Variants in TRMO observed in about 807,000 individuals in gnomAD.
TRMO encodes tRNA (adenine(37)-N6)-methyltransferase.
In TRMO, 30 loss-of-function variants were observed where a neutral mutation model predicts 37.2. The ratio of observed to expected loss-of-function variants is 0.81; its 90% CI spans 0.60 to 1.09. The LOEUF (loss-of-function observed/expected upper bound fraction) is 1.09. Ranked by LOEUF, TRMO falls within the 50% of genes least tolerant of loss-of-function variation. The pLI, the probability that TRMO is intolerant of heterozygous loss-of-function variation, is 0.00. For missense variants in TRMO, 552 were observed against 549.5 expected (o/e 1.00, Z -0.05); for synonymous variants, 239 against 199.4 (o/e 1.20, Z -1.67).
At chr9:97,915,827 A>G (rs1229781040) in intron 2 of TRMO, 6 of 181,722 alleles carry the variant, frequency 3.3e-5, no homozygotes, top group Non-Finnish European at 5.7e-5. Context: ...AGCCATGCAA[A>G]AGATGAGAGT....
At chr9:97,909,802 T>A (rs1288327150) in intron 4 of TRMO, among the ~76,000 whole-genome samples, 158 bp downstream of exon 4, 1 of 152,186 alleles carries the variant, frequency 6.6e-6, no homozygotes, top group South Asian at 2.1e-4. Flanking sequence ...ACAAAAGTCA[T>A]CACATGATGG....
At position 97,910,035 on chromosome 9, in the gene TRMO, C is replaced by T; in HGVS notation, c.991G>A (p.Glu331Lys). The change falls in exon 4 of 5, where the codon GAG becomes AAG. Residue 331 changes from glutamate (E) to lysine (K), a missense_variant. Coordinates refer to ENST00000375119, the MANE Select transcript of TRMO (RefSeq NM_016481.5). The part of the protein sequence containing the change: ...PRSVVPAWVT[E>K]APVATLEVRF... ...ACTTCTAAAGTGGCCACAGGAGCCT[C>T]TGTCACCCAGGCAGGAACCACGCTG... 1 of 1,609,092 alleles carries T rather than the reference C, an allele frequency of 6.2e-7. No individual in the cohort carries two copies. The highest frequency in any genetic ancestry group is 8.5e-7 in the Non-Finnish European group (1 of 1,176,724).
chr9:97,904,615 A>G lies in TRMO; in HGVS notation c.*118T>C. On this transcript the variant is annotated 3_prime_UTR_variant, in exon 5 of 5. Coordinates refer to ENST00000375119, the MANE Select transcript of TRMO (RefSeq NM_016481.5). ...ATAAACATTTTGAACAGCCCAAATC[A>G]ATCAAAGCCATGAGATCACAAAGTG... is the stretch of plus-strand genomic sequence containing the variant. 1 of 1,523,054 alleles carries G rather than the reference A, an allele frequency of 6.6e-7. No homozygotes were observed. The highest frequency in any genetic ancestry group is 8.8e-7 in the Non-Finnish European group (1 of 1,140,648). The allele number at this position is 1,523,054 out of a possible 1,614,324, so 94.3% of individuals were successfully genotyped here.
chr9:97,910,059 T>C lies in TRMO; in HGVS notation c.967A>G (p.Ser323Gly). The change falls in exon 4 of 5, where the codon AGC becomes GGC. Residue 323 changes from serine (S) to glycine (G), a missense_variant. Coordinates refer to ENST00000375119, the MANE Select transcript of TRMO (RefSeq NM_016481.5). Reference sequence around the variant, plus strand: ...TCTGTCACCCAGGCAGGAACCACGCTGCGGGGAGCTCCATCAGCCCTTCCA... The same window carrying C: ...TCTGTCACCCAGGCAGGAACCACGCCGCGGGGAGCTCCATCAGCCCTTCCA... ...PAGRADGAPR[S>G]VVPAWVTEAP... 4 of 1,613,292 alleles carry C rather than the reference T, an allele frequency of 2.5e-6. No homozygotes were observed. Among genetic ancestry groups the C allele is most frequent in the Non-Finnish European group, 3.4e-6 (4 of 1,179,286 alleles).
chr9:97,910,751 C>A, intron 3 of TRMO, 135 bp from the exon 4 acceptor site: 1 of 963,962 alleles, frequency 1.0e-6, no homozygotes, highest in Non-Finnish European at 1.5e-6. Context: ...GACCTAGTAC[C>A]AACACACACC....
At chr9:97,904,338 T>C (rs1173647274), downstream of TRMO, among the ~76,000 whole-genome samples, 2 of 152,188 alleles carry the variant, frequency 1.3e-5, no homozygotes, top group African/African-American at 2.4e-5. Context: ...TGGAATCAAA[T>C]AGAAAGGTCA....
chr9:97,921,704 A>G (rs1826644603), intron 1 of TRMO, among the ~76,000 whole-genome samples: 1 of 152,100 alleles, frequency 6.6e-6, no homozygotes, highest in African/African-American at 2.4e-5. Flanking sequence ...GATTACAGGC[A>G]TGAGCCGCTG....
rs906663591 is a variant in TRMO at position 97,922,450 on chromosome 9, G to C, written c.44C>G (p.Pro15Arg). ...CAGAGCCGGCTTAACGCAGCCGCAC[G>C]GGGTCGCTGTAGGCCGAGGCCCCGA... ...EESGPRPTAT[P>R]CGCVKPALET... Residue 15 changes from proline to arginine, a missense_variant, in exon 1 of 5, where the codon CCG becomes CGG. Coordinates refer to ENST00000375119, the MANE Select transcript of TRMO (RefSeq NM_016481.5). 1.1e-5 allele frequency: 18 copies of C among 1,588,402 alleles called. No individual in the cohort carries two copies. The highest frequency in any genetic ancestry group is 1.5e-5 in the Non-Finnish European group (18 of 1,168,230).
chr9:97,909,376 T>C (rs1358360627), intron 4 of TRMO, among the ~76,000 whole-genome samples: 3 of 152,098 alleles, frequency 2.0e-5, no homozygotes, highest in Non-Finnish European at 1.5e-5. Flanking sequence ...TTAAGAACCA[T>C]GTGTTAAAGT....
downstream of TRMO, among the ~76,000 whole-genome samples, chr9:97,901,581 C>A (rs1023456854): frequency 6.6e-6 from 1 of 151,918 alleles, no homozygotes; most frequent in African/African-American, 2.4e-5. Flanking sequence ...CGTGTGTGTA[C>A]ATGCACGCAC....
intron 1 of TRMO, among the ~76,000 whole-genome samples, chr9:97,918,328 T>C (rs894502834): frequency 6.6e-6 from 1 of 150,968 alleles, no homozygotes; most frequent in Non-Finnish European, 1.5e-5. Context: ...GAGGCAGAGG[T>C]TGCAGTGAGC....
At chr9:97,920,992 C>T (rs1826600656) in intron 1 of TRMO, among the ~76,000 whole-genome samples, 1 of 152,226 alleles carries the variant, frequency 6.6e-6, no homozygotes, top group Admixed American at 6.5e-5. Context: ...TCTAGCTCCC[C>T]AAACCTATAC....
chr9:97,914,242 T>C (rs571806064), intron 2 of TRMO, among the ~76,000 whole-genome samples: 1 of 152,224 alleles, frequency 6.6e-6, no homozygotes, highest in Admixed American at 6.5e-5. Flanking sequence ...CATGAATAAG[T>C]AATTCACAAA....
intron 4 of TRMO, among the ~76,000 whole-genome samples, chr9:97,908,196 A>G (rs1825941746): frequency 6.6e-6 from 1 of 152,136 alleles, no homozygotes; most frequent in Admixed American, 6.5e-5. Context: ...GGGAATCACA[A>G]GGTCAGGAGA....
At chr9:97,912,953 G>C (rs1329264427) in intron 3 of TRMO, 1 of 1,303,526 alleles carries the variant, frequency 7.7e-7, no homozygotes, top group South Asian at 1.2e-5. Context: ...CTGCAGCCAT[G>C]ATATCTGTCC....
chr9:97,898,051 A>G, the TRMO span, among the ~76,000 whole-genome samples: 1 of 152,154 alleles, frequency 6.6e-6, no homozygotes, highest in Non-Finnish European at 1.5e-5. Flanking sequence ...TGTCAACACA[A>G]CATAAACACA....
In TRMO at chr9:97,910,065, G is replaced by GA. The variant is rs761442934; in HGVS notation, c.960dup (p.Pro321SerfsTer43). ...ACCCAGGCAGGAACCACGCTGCGGG[G>GA]AGCTCCATCAGCCCTTCCAGCAGGG... On this transcript the variant is annotated frameshift_variant, in exon 4 of 5. Transcript: ENST00000375119. LOFTEE classifies it high-confidence loss of function. 5.0e-6 allele frequency: 8 copies of GA among 1,613,250 alleles called. No individual in the cohort carries two copies. The African/African-American group carries it at 1.1e-4, about 22-fold the overall frequency.
At chr9:97,921,438 T>TTTA (rs1826626042) in intron 1 of TRMO, among the ~76,000 whole-genome samples, 1 of 151,830 alleles carries the variant, frequency 6.6e-6, no homozygotes, top group South Asian at 2.1e-4. Flanking sequence ...TTTTTTTTTT[T>TTTA]TTTGAGACGG....
chr9:97,911,133 A>C, intron 3 of TRMO: 1 of 277,478 alleles, frequency 3.6e-6, no homozygotes, highest in South Asian at 2.9e-5. Flanking sequence ...TGTGACCCGC[A>C]CCTCCTGAAG....
Sources: gnomAD v4.1 joint callset for allele counts (sites outside exome capture counted in the v4.1 genomes callset) on GRCh38, gnomAD v4.1.1 for gene constraint, MANE v1.5 for transcripts, NCBI Gene and HGNC (gene_info 2026-07-23, HGNC 2026-07-21) for gene names.